Variants in ZNF236 observed in about 807,000 individuals in gnomAD.
The protein encoded by ZNF236 is regulated by glucose.
In ZNF236, 50 loss-of-function variants were observed where a neutral mutation model predicts 191.2. The ratio of observed to expected loss-of-function variants is 0.26; its 90% CI spans 0.21 to 0.33. The LOEUF (loss-of-function observed/expected upper bound fraction) is 0.33. Ranked by LOEUF, ZNF236 falls within the 10% of genes least tolerant of loss-of-function variation. The probability of loss-of-function intolerance (pLI) is 1.00; values close to 1 mark genes in which losing one functional copy is unlikely to be tolerated. For synonymous variants in ZNF236, 907 were observed against 928.8 expected (o/e 0.98, Z 0.43); for missense variants, 1,754 against 2,374.5 (o/e 0.74, Z 5.43).
At chr18:76,942,501 T>A (rs575373603) in intron 26 of ZNF236, among the ~76,000 whole-genome samples, 23 of 152,004 alleles carry the variant, frequency 1.5e-4, no homozygotes, top group Admixed American at 6.5e-4. Flanking sequence ...ATAATTTTTT[T>A]AATTTTTTAT....
intron 27 of ZNF236, among the ~76,000 whole-genome samples, chr18:76,955,150 G>A (rs1001848848): frequency 2.0e-5 from 3 of 152,204 alleles, no homozygotes; most frequent in African/African-American, 7.2e-5. Context: ...GTCTCACACT[G>A]TAATCCCAGC....
chr18:76,968,950 G>T lies in ZNF236; in HGVS notation c.*611G>T. 3.0e-6 allele frequency: 3 copies of T among 985,888 alleles called. No individual in the cohort carries two copies. Among genetic ancestry groups the T allele is most frequent in the Non-Finnish European group, 3.6e-6 (3 of 830,022 alleles). 61.1% of individuals were successfully genotyped at this position (985,888 alleles called of 1,614,324 possible). A position where few individuals can be genotyped will look rare whatever the true frequency, so the allele number is the denominator to read the frequency against. On this transcript the variant is annotated 3_prime_UTR_variant, in exon 31 of 31. Coordinates refer to ENST00000320610, the MANE Select transcript of ZNF236 (RefSeq NM_001306089.2). The stretch of plus-strand genomic sequence containing the variant: ...CTCCATGACAAATGTTTAATCATTA[G>T]TTACAAGAATGCAGTATCTGGGGCG...
chr18:76,849,287 A>G (rs1476840934), intron 1 of ZNF236: 3 of 393,100 alleles, frequency 7.6e-6, no homozygotes, highest in African/African-American at 6.3e-5. Flanking sequence ...AGCTTCTGAA[A>G]AGCCCACCAA....
At chr18:76,914,733 T>C (rs1388906940) in intron 18 of ZNF236, among the ~76,000 whole-genome samples, 1 of 152,218 alleles carries the variant, frequency 6.6e-6, no homozygotes, top group African/African-American at 2.4e-5. Flanking sequence ...ATTTGCCTTA[T>C]TGAGTTGTAA....
chr18:76,927,329 A>G lies in ZNF236; in HGVS notation c.4226A>G (p.Gln1409Arg), dbSNP rs1967728852. 6.2e-7 allele frequency: 1 copy of G among 1,614,004 alleles called. No homozygotes were observed. Among genetic ancestry groups the G allele is most frequent in the Admixed American group, 1.7e-5 (1 of 60,002 alleles). Reference protein sequence around the residue: ...QTLQQGNLLAQQLTGEPGLAP... With the variant: ...QTLQQGNLLARQLTGEPGLAP... ...CTACAGCAGGGCAACCTATTGGCTCAGCAGCTCACGGGGGAGCCTGGCCTG... is the reference window on the plus strand; with the variant it reads ...CTACAGCAGGGCAACCTATTGGCTCGGCAGCTCACGGGGGAGCCTGGCCTG... The change falls in exon 24 of 31, where the codon CAG becomes CGG. Residue 1409 changes from glutamine (Q) to arginine (R), a missense_variant. Physicochemically the swap from Gln to Arg is conservative, Grantham distance 43. Around this residue, in one of 5 missense-constraint regions of ZNF236, gnomAD observed 606 missense variants for 761.5 expected, o/e 0.80. Coordinates refer to ENST00000320610, the MANE Select transcript of ZNF236 (RefSeq NM_001306089.2). The surrounding 1 kb of genome is among the most constrained non-coding windows in gnomAD (Gnocchi z 5.4).
At chr18:76,958,866 G>A (rs1968591436) in intron 28 of ZNF236, among the ~76,000 whole-genome samples, 1 of 152,196 alleles carries the variant, frequency 6.6e-6, no homozygotes, top group African/African-American at 2.4e-5. Flanking sequence ...ATACGCAGCT[G>A]GAACACAGGC....
At chr18:76,894,860 T>G (rs1466952342) in intron 9 of ZNF236, among the ~76,000 whole-genome samples, 153 bp from the exon 10 acceptor site, 3 of 152,208 alleles carry the variant, frequency 2.0e-5, no homozygotes, top group Non-Finnish European at 2.9e-5. Context: ...CGAGATTAAC[T>G]CCTAGCCCTC....
chr18:76,939,098 G>A (rs567270380), intron 26 of ZNF236, among the ~76,000 whole-genome samples: 2 of 152,266 alleles, frequency 1.3e-5, no homozygotes, highest in Admixed American at 6.5e-5. Context: ...CCAGCACTTT[G>A]GCAAGCCGAG....
chr18:76,930,272 T>C (rs865995135), intron 25 of ZNF236, among the ~76,000 whole-genome samples: 1 of 152,262 alleles, frequency 6.6e-6, no homozygotes, highest in East Asian at 1.9e-4. Flanking sequence ...TGCATGAGAA[T>C]GTAGGTCACT....
intron 28 of ZNF236, among the ~76,000 whole-genome samples, chr18:76,958,876 C>T (rs1055925579): frequency 2.0e-5 from 3 of 152,218 alleles, no homozygotes; most frequent in African/African-American, 7.2e-5. Flanking sequence ...GGAACACAGG[C>T]GGTCACATGG....
intron 3 of ZNF236, 146 bp downstream of exon 3, chr18:76,852,085 C>CAA: frequency 1.3e-6 from 1 of 768,046 alleles, no homozygotes; most frequent in Non-Finnish European, 2.0e-6. Flanking sequence ...TTTGCCTTGA[C>CAA]ACCAGTTGAC....
At chr18:76,907,710 T>TC (rs397808644) in intron 13 of ZNF236, among the ~76,000 whole-genome samples, 7 of 151,870 alleles carry the variant, frequency 4.6e-5, no homozygotes, top group Admixed American at 6.6e-5. Context: ...TTTTTTTTTT[T>TC]CAAGTTCTCA....
In ZNF236 at chr18:76,960,557, C is replaced by T. The variant is rs1255519888; in HGVS notation, c.5243-122C>T. ...CTCCAGCCCTTTGTTCAGATGACAGCCAGGCTGAAAGCCTAAAAGAAAAGA... is the reference window on the plus strand; with the variant it reads ...CTCCAGCCCTTTGTTCAGATGACAGTCAGGCTGAAAGCCTAAAAGAAAAGA... On this transcript the variant is annotated intron_variant, in intron 29 of 30. Coordinates refer to ENST00000320610, the MANE Select transcript of ZNF236 (RefSeq NM_001306089.2). This position sits in a 1 kb window ranked among gnomAD's most constrained non-coding sequence, Gnocchi z 4.4. 3 of 1,280,322 alleles carry T rather than the reference C, an allele frequency of 2.3e-6. No individual in the cohort carries two copies. Among genetic ancestry groups the T allele is most frequent in the Non-Finnish European group, 3.3e-6 (3 of 900,770 alleles). 79.3% of individuals were successfully genotyped at this position (1,280,322 alleles called of 1,614,324 possible). A position where few individuals can be genotyped will look rare whatever the true frequency, so the allele number is the denominator to read the frequency against.
At chr18:76,898,426 A>G (rs1977497458) in intron 10 of ZNF236, among the ~76,000 whole-genome samples, 1 of 152,224 alleles carries the variant, frequency 6.6e-6, no homozygotes, top group Non-Finnish European at 1.5e-5. Context: ...GAAGTTACTC[A>G]ATTTTGTTGT....
intron 9 of ZNF236, among the ~76,000 whole-genome samples, chr18:76,891,173 G>A (rs566984392): frequency 2.0e-5 from 3 of 152,200 alleles, no homozygotes; most frequent in East Asian, 1.9e-4. Flanking sequence ...TCTAACCTCC[G>A]AGTTGTTCAA....
At chr18:76,902,461 C>T (rs948457057) in intron 11 of ZNF236, among the ~76,000 whole-genome samples, 1 of 152,168 alleles carries the variant, frequency 6.6e-6, no homozygotes, top group Non-Finnish European at 1.5e-5. Context: ...AACCTGCATC[C>T]AGGGTTCTGC....
chr18:76,927,795 T>C lies in ZNF236; in HGVS notation c.4415-132T>C, dbSNP rs1241580518. On this transcript the variant is annotated intron_variant, in intron 24 of 30. Coordinates refer to ENST00000320610, the MANE Select transcript of ZNF236 (RefSeq NM_001306089.2). The surrounding 1 kb of genome is among the most constrained non-coding windows in gnomAD (Gnocchi z 5.4). The stretch of plus-strand genomic sequence containing the variant: ...CTTAGACGAAGGAATTAGAGATGAC[T>C]GATGCTTTGTTTTAAATCTTTGTCT... 6 of 851,166 alleles carry C rather than the reference T, an allele frequency of 7.0e-6. No individual in the cohort carries two copies. The East Asian group carries it at 8.4e-5, about 12-fold the overall frequency. 52.7% of individuals were successfully genotyped at this position (851,166 alleles called of 1,614,324 possible).
At chr18:76,861,840 T>C (rs766348145) in intron 3 of ZNF236, among the ~76,000 whole-genome samples, 2 of 152,100 alleles carry the variant, frequency 1.3e-5, no homozygotes, top group Non-Finnish European at 2.9e-5. Flanking sequence ...TGAGGAATAA[T>C]GTGGCCGTCA....
intron 2 of ZNF236, among the ~76,000 whole-genome samples, chr18:76,851,358 C>T (rs1975862594): frequency 6.6e-6 from 1 of 151,122 alleles, no homozygotes; most frequent in Non-Finnish European, 1.5e-5. Flanking sequence ...TTTGGCCTCC[C>T]AGGTTCAAGT....
Sources: allele counts gnomAD v4.1 joint callset (sites outside exome capture counted in the v4.1 genomes callset), GRCh38; gene constraint gnomAD v4.1.1; regional missense constraint gnomAD v4.1.1; non-coding constraint Gnocchi (gnomAD v3.1); transcripts MANE v1.5; gene names NCBI Gene and HGNC (gene_info 2026-07-23, HGNC 2026-07-21).